PCDHGA5: variants seen among roughly 807,000 people sequenced by gnomAD.
PCDHGA5 encodes the protein protocadherin gamma subfamily A, 5, also known as protocadherin gamma-A5.
In PCDHGA5, 36 loss-of-function variants were observed where a neutral mutation model predicts 56.7. That is an observed-to-expected ratio of 0.64 (90% confidence interval 0.49 to 0.84). The LOEUF (loss-of-function observed/expected upper bound fraction) is 0.84. Ranked by LOEUF, PCDHGA5 falls within the 40% of genes least tolerant of loss-of-function variation. The pLI, the probability that PCDHGA5 is intolerant of heterozygous loss-of-function variation, is 0.00. For synonymous variants in PCDHGA5, 563 were observed against 520.2 expected (o/e 1.08, Z -1.12); for missense variants, 1,305 against 1,201.5 (o/e 1.09, Z -1.27).
Position 141,485,089 on chromosome 5 carries a change from G to A in PCDHGA5, c.2422-9718G>A. The stretch of plus-strand genomic sequence containing the variant: ...GAGCTGGCGCGGGGAAAGGGAGATA[G>A]GTGTCTCCAGCTGCTGTGGCTGTTT... On this transcript the variant is annotated intron_variant, in intron 1 of 3. Coordinates refer to ENST00000518069, the MANE Select transcript of PCDHGA5 (RefSeq NM_018918.3). This position sits in a 1 kb window ranked among gnomAD's most constrained non-coding sequence, Gnocchi z 5.7. 1 of 1,027,236 alleles carries A rather than the reference G, an allele frequency of 9.7e-7. No homozygotes were observed. The highest frequency in any genetic ancestry group is 1.5e-6 in the Non-Finnish European group (1 of 674,564). 63.6% of individuals were successfully genotyped at this position (1,027,236 alleles called of 1,614,324 possible). A position where few individuals can be genotyped will look rare whatever the true frequency, so the allele number is the denominator to read the frequency against.
In PCDHGA5 at chr5:141,364,856, C is replaced by T. The variant is rs748996283; in HGVS notation, c.526C>T (p.Leu176=). ...SLRSYQLSSN[L]HFSLDVVSGT... ...CCGGAGTTACCAGCTCAGCTCCAAT[C>T]TGCACTTCTCTCTGGATGTGGTAAG... Residue 176 remains leucine, a synonymous_variant, in exon 1 of 4, where the codon CTG becomes TTG. Coordinates refer to ENST00000518069, the MANE Select transcript of PCDHGA5 (RefSeq NM_018918.3). 6.2e-7 allele frequency: 1 copy of T among 1,614,006 alleles called. No homozygotes were observed. The highest frequency in any genetic ancestry group is 1.1e-5 in the South Asian group (1 of 91,084).
chr5:141,505,072 G>A (rs1374916789), intron 2 of PCDHGA5, among the ~76,000 whole-genome samples: 1 of 152,228 alleles, frequency 6.6e-6, no homozygotes. Context: ...TGAGGCAGGA[G>A]AATCGCTTGA....
chr5:141,393,427 A>G (rs2092758301), intron 1 of PCDHGA5: 2 of 1,613,922 alleles, frequency 1.2e-6, no homozygotes, highest in Admixed American at 3.3e-5. Flanking sequence ...AGGGAGGAAG[A>G]GGCTGCTCAC....
intron 1 of PCDHGA5, chr5:141,422,092 G>C: frequency 6.2e-7 from 1 of 1,611,520 alleles, no homozygotes; most frequent in Non-Finnish European, 8.5e-7. Flanking sequence ...GGAAAGCAAG[G>C]CTTCTGAAAT....
At chr5:141,469,468 G>A (rs62379200) in intron 1 of PCDHGA5, among the ~76,000 whole-genome samples, 32,669 of 151,998 alleles carry the variant, frequency 0.21, 3,638 homozygotes, top group African/African-American at 0.27. Context: ...TCAGCTACTC[G>A]GGAGGCTGAG....
chr5:141,381,693 G>A (rs1777359039), intron 1 of PCDHGA5, among the ~76,000 whole-genome samples: 1 of 152,096 alleles, frequency 6.6e-6, no homozygotes, highest in African/African-American at 2.4e-5. Context: ...GACAAACAAC[G>A]ATTTCTTTCT....
intron 1 of PCDHGA5, chr5:141,393,455 C>T (rs1007871650): frequency 2.1e-5 from 34 of 1,613,942 alleles, no homozygotes; most frequent in Non-Finnish European, 2.9e-5. Flanking sequence ...TCCTCACGGC[C>T]TCGGATGGCG....
intron 1 of PCDHGA5, chr5:141,395,894 C>T (rs768471284): frequency 6.6e-6 from 1 of 152,020 alleles, no homozygotes; most frequent in Non-Finnish European, 1.5e-5. Flanking sequence ...CACCTGGGCT[C>T]CATGCCCATG....
intron 1 of PCDHGA5, chr5:141,398,776 G>A: frequency 6.2e-7 from 1 of 1,613,904 alleles, no homozygotes; most frequent in Non-Finnish European, 8.5e-7. Flanking sequence ...TGCCTTGGAC[G>A]GTGGACATCC....
intron 1 of PCDHGA5, chr5:141,433,239 G>A: frequency 1.3e-6 from 2 of 1,494,126 alleles, no homozygotes; most frequent in Non-Finnish European, 1.8e-6. Context: ...TGTCTCCCAA[G>A]CTGGAATGCA....
At chr5:141,478,087 C>T in intron 1 of PCDHGA5, 1 of 1,614,134 alleles carries the variant, frequency 6.2e-7, no homozygotes, top group East Asian at 2.2e-5. Flanking sequence ...CTTCGCTCTC[C>T]ACCACTGCTA....
chr5:141,375,417 C>T, intron 1 of PCDHGA5: 3 of 1,613,976 alleles, frequency 1.9e-6, no homozygotes, highest in Non-Finnish European at 2.5e-6. Context: ...GTGGCAGACA[C>T]CAACGACAAC....
At chr5:141,398,287 C>G in intron 1 of PCDHGA5, 1 of 1,396,196 alleles carries the variant, frequency 7.2e-7, no homozygotes, top group Non-Finnish European at 9.8e-7. Flanking sequence ...CGCCACGGAC[C>G]TGGGGTTCAG....
Position 141,432,292 on chromosome 5 carries a change from T to G in PCDHGA5, c.2422-62515T>G. 6.2e-7 allele frequency: 1 copy of G among 1,614,196 alleles called. No homozygotes were observed. The highest frequency in any genetic ancestry group is 8.5e-7 in the Non-Finnish European group (1 of 1,180,042). On this transcript the variant is annotated intron_variant, in intron 1 of 3. Transcript: ENST00000518069. This position sits in a 1 kb window ranked among gnomAD's most constrained non-coding sequence, Gnocchi z 6.0. Reference sequence around the variant, plus strand: ...CCTACGTGTCCATCAACTCCGACACTGGGGTACTGTATGCGCTGAGCTCCT... The same window carrying G: ...CCTACGTGTCCATCAACTCCGACACGGGGGTACTGTATGCGCTGAGCTCCT...
Position 141,432,076 on chromosome 5 carries a change from G to T in PCDHGA5, c.2422-62731G>T. ...CCCTATCCACGGAAACTCATATCTC[G>T]CTGAACGTGGCAGACACCAACGACA... On this transcript the variant is annotated intron_variant, in intron 1 of 3. Transcript: ENST00000518069. This position sits in a 1 kb window ranked among gnomAD's most constrained non-coding sequence, Gnocchi z 6.0. 1.2e-6 allele frequency: 2 copies of T among 1,614,160 alleles called. No homozygotes were observed. Among genetic ancestry groups the T allele is most frequent in the Non-Finnish European group, 1.7e-6 (2 of 1,180,024 alleles).
rs1226359801 is a variant in PCDHGA5, at chr5:141,388,320, G to A, written c.2421+21569G>A. On this transcript the variant is annotated intron_variant, in intron 1 of 3. Coordinates refer to ENST00000518069, the MANE Select transcript of PCDHGA5 (RefSeq NM_018918.3). ...CTTTGAGCTGCAAATAAGTGAGTCT[G>A]CACAGCCTGGCACACGATTTATATT... is the stretch of plus-strand genomic sequence containing the variant. 9.3e-6 allele frequency: 15 copies of A among 1,613,768 alleles called. 1 individual carries two copies. The Admixed American group carries it at 2.5e-4, about 27-fold the overall frequency.
chr5:141,397,177 A>G (rs1453004001), intron 1 of PCDHGA5, among the ~76,000 whole-genome samples: 1 of 152,250 alleles, frequency 6.6e-6, no homozygotes, highest in Non-Finnish European at 1.5e-5. Flanking sequence ...CTTAAGAATG[A>G]ATTTATGTAC....
At position 141,487,075 on chromosome 5, in the gene PCDHGA5, C is replaced by T. The variant is rs755563146; in HGVS notation, c.2422-7732C>T. The T allele has an allele frequency of 1.9e-6, 3 of 1,614,116 alleles. No individual in the cohort carries two copies. The highest frequency in any genetic ancestry group is 2.5e-6 in the Non-Finnish European group (3 of 1,179,982). ...GGGAGGTGCGGACGGCTGTTCCTATCCCAGCTGACCTCCCACCACAGAAGC... is the reference window on the plus strand; with the variant it reads ...GGGAGGTGCGGACGGCTGTTCCTATTCCAGCTGACCTCCCACCACAGAAGC... On this transcript the variant is annotated intron_variant, in intron 1 of 3. Transcript: ENST00000518069. This position sits in a 1 kb window ranked among gnomAD's most constrained non-coding sequence, Gnocchi z 5.0.
chr5:141,399,991 G>C, intron 1 of PCDHGA5: 1 of 1,612,422 alleles, frequency 6.2e-7, no homozygotes, highest in Non-Finnish European at 8.5e-7. Context: ...CACAGGAGAG[G>C]TGCGCACAGC....
Sources: gnomAD v4.1 joint callset for allele counts (sites outside exome capture counted in the v4.1 genomes callset) on GRCh38, gnomAD v4.1.1 for gene constraint, Gnocchi (gnomAD v3.1) non-coding constraint, MANE v1.5 for transcripts, NCBI Gene and HGNC (gene_info 2026-07-23, HGNC 2026-07-21) for gene names.